The following DOCK5 variants were observed in gnomAD, a reference collection of about 807,000 sequenced individuals.
DOCK5 encodes dedicator of cytokinesis 5.
In DOCK5, 142 loss-of-function variants were observed where a neutral mutation model predicts 251.8. That is an observed-to-expected ratio of 0.56 (90% CI 0.49 to 0.65). The LOEUF (loss-of-function observed/expected upper bound fraction) is 0.65, where lower values mean the gene tolerates loss of function less well. Among genes scored for constraint, DOCK5 ranks in the 30% least tolerant of loss-of-function variants. The pLI is 0.00. For synonymous variants in DOCK5, 842 were observed against 835.5 expected, an observed-to-expected ratio of 1.01 and a Z score of -0.13; for missense variants, 2,111 against 2,312.3, an observed-to-expected ratio of 0.91 and a Z score of 1.79.
At chr8:25,195,983 A>G (rs2117449771) in intron 1 of DOCK5, among the ~76,000 whole-genome samples, 1 of 152,318 alleles carries the variant, frequency 6.6e-6, no homozygotes, top group Non-Finnish European at 1.5e-5. Context: ...GATTTTGCCC[A>G]CACTTTGGAA....
Position 25,411,197 on chromosome 8 carries a change from G to T in DOCK5, c.5512G>T (p.Ala1838Ser), listed in dbSNP as rs150680064. ...TTTTGTGTTTCTGCTTCTGCAGCTC[G>T]CTCCCCCACTGCCTGTCCGAAGAGA... is the stretch of plus-strand genomic sequence containing the variant. Reference protein sequence around the residue: ...EGSQRNSTELAPPLPVRREAK... With the variant: ...EGSQRNSTELSPPLPVRREAK... The change falls in exon 52 of 52, where the codon GCT (alanine) becomes TCT (serine). Residue 1838 changes from alanine (A) to serine (S), a missense_variant. Ala to Ser is a moderately conservative substitution (Grantham distance 99, BLOSUM62 1). This residue lies in a region of DOCK5 where 1,717 missense variants were observed against 1,892.4 expected (regional missense o/e 0.91). Coordinates refer to ENST00000276440, the MANE Select transcript of DOCK5 (RefSeq NM_024940.8). The T allele has an allele frequency of 6.4e-6, 10 of 1,563,408 alleles. No individual in the cohort carries two copies. In the African/African-American group the frequency reaches 8.4e-5, roughly 13 times the overall value.
At chr8:25,333,883 C>T (rs1399098715) in intron 20 of DOCK5, among the ~76,000 whole-genome samples, 1 of 152,152 alleles carries the variant, frequency 6.6e-6, no homozygotes, top group East Asian at 1.9e-4. Flanking sequence ...TTCTTCACAG[C>T]ATTTAACATA....
chr8:25,271,772 A>G (rs1349640570), intron 3 of DOCK5, among the ~76,000 whole-genome samples: 6 of 152,272 alleles, frequency 3.9e-5, no homozygotes, highest in Non-Finnish European at 8.8e-5. Context: ...GAGGAAGGAG[A>G]AGCAGAACTG....
At chr8:25,277,805 A>G (rs906340310) in intron 4 of DOCK5, among the ~76,000 whole-genome samples, 1 of 152,198 alleles carries the variant, frequency 6.6e-6, no homozygotes, top group Non-Finnish European at 1.5e-5. Context: ...GGTCACACTT[A>G]TTCTAAAAAA....
chr8:25,411,897 G>C lies in DOCK5; in HGVS notation c.*599G>C, dbSNP rs1335118750. The C allele has an allele frequency of 6.6e-6, 1 of 152,040 alleles. No homozygotes were observed. Among genetic ancestry groups the C allele is most frequent in the Admixed American group, 6.5e-5 (1 of 15,272 alleles). The allele number at this position is 152,040 out of a possible 1,614,324, so 9.4% of individuals were successfully genotyped here. On this transcript the variant is annotated 3_prime_UTR_variant, in exon 52 of 52. Transcript: ENST00000276440. ...CTTTCAGGTATGTGTGTCTATCATT[G>C]AAAGAGCATGGACTCAAACATCAGC...
chr8:25,299,884 A>G lies in DOCK5; in HGVS notation c.765-692A>G, dbSNP rs115029429. The stretch of plus-strand genomic sequence containing the variant: ...AAAAAATTTTTTAATGTCAATGTGG[A>G]TTACAGGGGATAGATTTGGAATGAC... On this transcript the variant is annotated intron_variant, in intron 8 of 51. Transcript: ENST00000276440. Among the ~76,000 whole-genome samples the G allele has an allele frequency of 7.1e-3, 1,080 of 152,252 alleles. 16 individuals carry two copies. The highest frequency in any genetic ancestry group is 0.025 in the African/African-American group (1,042 of 41,540).
At chr8:25,270,422 T>G (rs1270540308) in intron 3 of DOCK5, among the ~76,000 whole-genome samples, 2 of 152,338 alleles carry the variant, frequency 1.3e-5, no homozygotes, top group African/African-American at 4.8e-5. Context: ...GTGTTAATTT[T>G]ACTCATAGTT....
chr8:25,415,280 T>G lies in DOCK5; in HGVS notation c.*3982T>G, dbSNP rs145675101. The G allele has an allele frequency of 1.6e-4, 24 of 152,286 alleles. No homozygotes were observed. The East Asian group carries it at 4.6e-3, about 29-fold the overall frequency. 9.4% of individuals were successfully genotyped at this position (152,286 alleles called of 1,614,324 possible). A position where few individuals can be genotyped will look rare whatever the true frequency, so the allele number is the denominator to read the frequency against. On this transcript the variant is annotated 3_prime_UTR_variant, in exon 52 of 52. Transcript: ENST00000276440. ...CAGCCTGGCCCACTGTATCTAGACTTTAGGTTCATTTTAATAATTATGCTT... is the reference window on the plus strand; with the variant it reads ...CAGCCTGGCCCACTGTATCTAGACTGTAGGTTCATTTTAATAATTATGCTT...
chr8:25,256,870 CT>C (rs1419433836), intron 2 of DOCK5, among the ~76,000 whole-genome samples: 5 of 151,550 alleles, frequency 3.3e-5, no homozygotes, highest in Non-Finnish European at 5.9e-5. Context: ...TTTTCTATCA[CT>C]CAAATTGTTT....
At position 25,401,038 on chromosome 8, in the gene DOCK5, T is replaced by G; in HGVS notation, c.4898T>G (p.Val1633Gly). 6.2e-7 allele frequency: 1 copy of G among 1,614,006 alleles called. No individual in the cohort carries two copies. The highest frequency in any genetic ancestry group is 8.5e-7 in the Non-Finnish European group (1 of 1,179,886). ...SSCFRELKEK[V>G]EKHYGVITLP... is the part of the protein sequence containing the mutation. ...TGCTTCCGGGAACTCAAGGAGAAAG[T>G]AGAAAAGCACTATGGGGTTATAACA... The change falls in exon 47 of 52, where the codon GTA becomes GGA. Residue 1633 changes from valine (V) to glycine (G), a missense_variant. Around this residue, in one of 3 missense-constraint regions of DOCK5, gnomAD observed 1,717 missense variants for 1,892.4 expected, o/e 0.91. Coordinates refer to ENST00000276440, the MANE Select transcript of DOCK5 (RefSeq NM_024940.8).
intron 5 of DOCK5, among the ~76,000 whole-genome samples, chr8:25,287,989 A>C (rs1224102823): frequency 1.3e-5 from 2 of 151,346 alleles, no homozygotes; most frequent in Non-Finnish European, 2.9e-5. Context: ...GGGTTCAAGC[A>C]ATTCTCCTGC....
intron 4 of DOCK5, chr8:25,276,865 A>G (rs1804053049): frequency 6.6e-6 from 1 of 152,188 alleles, no homozygotes; most frequent in Non-Finnish European, 1.5e-5. Context: ...CAACAGCAGA[A>G]TTGATGAAAC....
chr8:25,185,021 G>A, intron 1 of DOCK5, 70 bp downstream of exon 1: 7 of 1,277,792 alleles, frequency 5.5e-6, no homozygotes, highest in Non-Finnish European at 7.0e-6. Context: ...GCCCTGCCAG[G>A]TTTGCGCAGA....
intron 2 of DOCK5, among the ~76,000 whole-genome samples, 170 bp from the exon 3 acceptor site, chr8:25,268,675 A>G (rs1211912231): frequency 6.6e-6 from 1 of 152,112 alleles, no homozygotes; most frequent in Non-Finnish European, 1.5e-5. Flanking sequence ...ATACAGTTAG[A>G]TTTTTCTTGT....
At chr8:25,306,823 A>G (rs1333657986) in intron 11 of DOCK5, among the ~76,000 whole-genome samples, 1 of 152,250 alleles carries the variant, frequency 6.6e-6, no homozygotes, top group Non-Finnish European at 1.5e-5. Context: ...TGGCAGTGAT[A>G]CGTTCTGAGA....
rs923939467 is a variant in DOCK5, at chr8:25,411,668, G to A, written c.*370G>A. 2 of 178,012 alleles carry A rather than the reference G, an allele frequency of 1.1e-5. No homozygotes were observed. The highest frequency in any genetic ancestry group is 4.7e-5 in the African/African-American group (2 of 42,572). 11.0% of individuals were successfully genotyped at this position (178,012 alleles called of 1,614,324 possible). ...AGCAACCCCTGTAATCTACTCCTTG[G>A]AAGGATTTTTTGCTTTGCTTATGAA... On this transcript the variant is annotated 3_prime_UTR_variant, in exon 52 of 52. Coordinates refer to ENST00000276440, the MANE Select transcript of DOCK5 (RefSeq NM_024940.8).
Position 25,374,598 on chromosome 8 carries a change from T to C in DOCK5, c.3760T>C (p.Cys1254Arg), listed in dbSNP as rs767338104. ...LYKLRDLHRD[C>R]ENYTEAAYTL... Reference sequence around the variant, plus strand: ...CAAGCTTCGAGATTTGCACCGAGACTGTGAGAACTACACAGAAGCTGCCTA... The same window carrying C: ...CAAGCTTCGAGATTTGCACCGAGACCGTGAGAACTACACAGAAGCTGCCTA... The change falls in exon 37 of 52, where the codon TGT (cysteine) becomes CGT (arginine). Residue 1254 changes from cysteine to arginine, a missense_variant. By Grantham distance (180) the Cys-to-Arg change is radical (BLOSUM62 -3). Coordinates refer to ENST00000276440, the MANE Select transcript of DOCK5 (RefSeq NM_024940.8). 1 of 1,612,382 alleles carries C rather than the reference T, an allele frequency of 6.2e-7. No individual in the cohort carries two copies. Among genetic ancestry groups the C allele is most frequent in the Non-Finnish European group, 8.5e-7 (1 of 1,179,498 alleles).
rs116804150 is a variant in DOCK5, at chr8:25,369,414, A to G, written c.3439-142A>G. ...TTGATAGGGCCTTGGTGCACAGTTTATGAGTGACCCTCTGTGATCCTCCCT... is the reference window on the plus strand; with the variant it reads ...TTGATAGGGCCTTGGTGCACAGTTTGTGAGTGACCCTCTGTGATCCTCCCT... On this transcript the variant is annotated intron_variant, in intron 33 of 51. Coordinates refer to ENST00000276440, the MANE Select transcript of DOCK5 (RefSeq NM_024940.8). 1.3e-3 allele frequency: 808 copies of G among 639,396 alleles called. 9 individuals carry two copies. In the African/African-American group the frequency reaches 0.013, roughly 11 times the overall value. 39.6% of individuals were successfully genotyped at this position (639,396 alleles called of 1,614,324 possible).
chr8:25,350,469 C>A (rs1800447224), intron 26 of DOCK5, among the ~76,000 whole-genome samples: 1 of 152,196 alleles, frequency 6.6e-6, no homozygotes, highest in Non-Finnish European at 1.5e-5. Flanking sequence ...TACTGTCCCC[C>A]TTTTGCAGCT....
Sources: gnomAD v4.1 joint callset for allele counts (sites outside exome capture counted in the v4.1 genomes callset) on GRCh38, gnomAD v4.1.1 for gene constraint, gnomAD v4.1.1 regional missense constraint, MANE v1.5 for transcripts, NCBI Gene and HGNC (gene_info 2026-07-23, HGNC 2026-07-21) for gene names.